SLC16A7: variants seen among roughly 807,000 people sequenced by gnomAD.
SLC16A7 encodes the protein solute carrier family 16 member 7, also known as monocarboxylate transporter 2.
In SLC16A7, 33 loss-of-function variants were observed where a neutral mutation model predicts 34.9. The observed-to-expected ratio is 0.94, with a 90% CI of 0.72 to 1.26. The LOEUF is 1.26. SLC16A7 is among the 50% of genes most tolerant of loss of function. The pLI, the probability that SLC16A7 is intolerant of heterozygous loss-of-function variation, is 0.00. For missense variants in SLC16A7, 573 were observed against 578.1 expected (o/e 0.99, Z 0.09); for synonymous variants, 201 against 206.6 (o/e 0.97, Z 0.23).
chr12:59,625,572 G>T (rs748066241), intron 1 of SLC16A7, among the ~76,000 whole-genome samples: 19 of 151,914 alleles, frequency 1.3e-4, no homozygotes, highest in Non-Finnish European at 1.6e-4. Context: ...AGAATGCTGG[G>T]TAATACTACC....
intron 2 of SLC16A7, among the ~76,000 whole-genome samples, chr12:59,699,540 C>T (rs545757832): frequency 6.6e-6 from 1 of 151,764 alleles, no homozygotes; most frequent in Admixed American, 6.6e-5. Flanking sequence ...TCCAGTATCT[C>T]TGAAGAATTA....
chr12:59,665,420 C>T (rs541334675), intron 2 of SLC16A7, among the ~76,000 whole-genome samples: 1 of 151,108 alleles, frequency 6.6e-6, no homozygotes, highest in African/African-American at 2.4e-5. Context: ...ATATTTGTAA[C>T]TATGTATGTG....
intron 1 of SLC16A7, among the ~76,000 whole-genome samples, chr12:59,602,425 C>T (rs972469511): frequency 1.1e-4 from 16 of 149,932 alleles, no homozygotes; most frequent in Admixed American, 6.6e-4. Context: ...TTCTCCAGCT[C>T]GCCTTTCACC....
intron 1 of SLC16A7, among the ~76,000 whole-genome samples, chr12:59,648,640 A>C (rs1182842685): frequency 6.6e-6 from 1 of 152,158 alleles, no homozygotes; most frequent in Non-Finnish European, 1.5e-5. Flanking sequence ...AAAAGGGCTC[A>C]TAGTTTAGGA....
chr12:59,606,843 T>C (rs1454805091), intron 1 of SLC16A7, among the ~76,000 whole-genome samples: 1 of 149,468 alleles, frequency 6.7e-6, no homozygotes, highest in Non-Finnish European at 1.5e-5. Flanking sequence ...CGTGTGTGTA[T>C]GTGTGAATAT....
rs1031111318 is a variant in SLC16A7, at chr12:59,753,461, C to T, written c.218-17758C>T. Among the ~76,000 whole-genome samples, 48 of 152,258 alleles carry T rather than the reference C, an allele frequency of 3.2e-4. 1 individual carries two copies. The highest frequency in any genetic ancestry group is 1.1e-3 in the African/African-American group (47 of 41,530). On this transcript the variant is annotated intron_variant, in intron 3 of 5. Transcript: ENST00000547379. ...AAAAGGCAGGGGTTGCATTCCTAGA[C>T]TCTGATAAAACAGACTTTAAACCAA... is the stretch of plus-strand genomic sequence containing the variant.
In SLC16A7 at chr12:59,596,123, G is replaced by C. The variant is rs1163574653; in HGVS notation, c.-243G>C. The C allele has an allele frequency of 6.6e-6, 1 of 152,184 alleles. No individual in the cohort carries two copies. Among genetic ancestry groups the C allele is most frequent in the Non-Finnish European group, 1.5e-5 (1 of 68,090 alleles). 9.4% of individuals were successfully genotyped at this position (152,184 alleles called of 1,614,324 possible). A position where few individuals can be genotyped will look rare whatever the true frequency, so the allele number is the denominator to read the frequency against. On this transcript the variant is annotated 5_prime_UTR_variant, in exon 1 of 6. Transcript: ENST00000547379. The surrounding 1 kb of genome is among the most constrained non-coding windows in gnomAD (Gnocchi z 5.0). ...GGCTGTGGCGGGCGAGGACACGTCAGGGGCCATAAATAAATAAATAATTCC... is the reference window on the plus strand; with the variant it reads ...GGCTGTGGCGGGCGAGGACACGTCACGGGCCATAAATAAATAAATAATTCC...
chr12:59,729,293 ATTACCATGCTGCCCAGGTGGGCAT>A (rs770491450), intron 3 of SLC16A7, among the ~76,000 whole-genome samples: 149 of 152,328 alleles, frequency 9.8e-4, no homozygotes, highest in Non-Finnish European at 1.8e-3. Flanking sequence ...CATCATGCGG[ATTACCATGCTGCCCAGGTGGGCAT>A]TGTCTTTGCC....
chr12:59,721,865 TA>T (rs940223132), intron 3 of SLC16A7, among the ~76,000 whole-genome samples: 18 of 152,118 alleles, frequency 1.2e-4, no homozygotes, highest in African/African-American at 4.3e-4. Context: ...TACACTTAAA[TA>T]TTTTCTTTTG....
chr12:59,632,983 G>A (rs542487729), intron 1 of SLC16A7, among the ~76,000 whole-genome samples: 2 of 151,974 alleles, frequency 1.3e-5, no homozygotes, highest in South Asian at 2.1e-4. Flanking sequence ...CAAAAGGTGA[G>A]GTATCTATTC....
chr12:59,654,206 G>A (rs1497472), intron 1 of SLC16A7, among the ~76,000 whole-genome samples: 1 of 151,084 alleles, frequency 6.6e-6, no homozygotes, highest in Admixed American at 6.6e-5. Context: ...ATCTAAAGGA[G>A]TCTTTAAATA....
At chr12:59,724,603 AC>A (rs938921260) in intron 3 of SLC16A7, among the ~76,000 whole-genome samples, 1 of 151,982 alleles carries the variant, frequency 6.6e-6, no homozygotes, top group African/African-American at 2.4e-5. Flanking sequence ...TTACTACAGG[AC>A]TTGCTGGAAC....
intron 1 of SLC16A7, among the ~76,000 whole-genome samples, chr12:59,650,157 C>G (rs761405717): frequency 5.3e-5 from 8 of 151,968 alleles, no homozygotes; most frequent in Admixed American, 2.0e-4. Context: ...AGGGTATAGT[C>G]TTACCTGAGC....
intron 1 of SLC16A7, among the ~76,000 whole-genome samples, chr12:59,626,390 C>A (rs1050214399): frequency 6.6e-6 from 1 of 151,672 alleles, no homozygotes; most frequent in African/African-American, 2.4e-5. Flanking sequence ...ATAAATAAAA[C>A]GACTAATTAT....
chr12:59,657,096 A>G (rs1296182904), intron 2 of SLC16A7, among the ~76,000 whole-genome samples: 2 of 151,986 alleles, frequency 1.3e-5, no homozygotes, highest in Non-Finnish European at 2.9e-5. Flanking sequence ...GGTAGCTATT[A>G]TTATTACTAA....
intron 3 of SLC16A7, among the ~76,000 whole-genome samples, chr12:59,736,988 T>C (rs1877677917): frequency 1.3e-5 from 2 of 152,186 alleles, no homozygotes; most frequent in Admixed American, 1.3e-4. Context: ...CCTGAGGTCT[T>C]CTCTGACTGA....
chr12:59,680,717 G>T (rs1870680621), intron 2 of SLC16A7, among the ~76,000 whole-genome samples: 1 of 150,896 alleles, frequency 6.6e-6, no homozygotes, highest in Admixed American at 6.6e-5. Flanking sequence ...TTTTAGCCCT[G>T]TAGCCACTGT....
chr12:59,665,574 T>A (rs1218751163), intron 2 of SLC16A7, among the ~76,000 whole-genome samples: 1 of 152,114 alleles, frequency 6.6e-6, no homozygotes, highest in Non-Finnish European at 1.5e-5. Flanking sequence ...GCTATATGTA[T>A]AATTATCTGT....
intron 1 of SLC16A7, among the ~76,000 whole-genome samples, chr12:59,617,480 C>A (rs1001583840): frequency 2.0e-5 from 3 of 151,892 alleles, no homozygotes; most frequent in Non-Finnish European, 2.9e-5. Flanking sequence ...TCTTTATAGA[C>A]AAACTAGAAT....
Sources: gnomAD v4.1 joint callset for allele counts (sites outside exome capture counted in the v4.1 genomes callset) on GRCh38, gnomAD v4.1.1 for gene constraint, Gnocchi (gnomAD v3.1) non-coding constraint, MANE v1.5 for transcripts, NCBI Gene and HGNC (gene_info 2026-07-23, HGNC 2026-07-21) for gene names.